SLC14A2: variants seen among roughly 807,000 people sequenced by gnomAD.
The protein encoded by SLC14A2 is urea transporter 2.
SLC14A2 carries 91 observed loss-of-function variants against 104.6 expected under a neutral mutation model. The observed-to-expected ratio is 0.87, with a 90% CI of 0.73 to 1.04. The LOEUF is 1.04. SLC14A2 is among the 50% of genes least tolerant of loss of function. The pLI, the probability that SLC14A2 is intolerant of heterozygous loss-of-function variation, is 0.00. For missense variants in SLC14A2, 1,189 were observed against 1,156.0 expected, an observed-to-expected ratio of 1.03 and a Z score of -0.41; for synonymous variants, 476 against 466.4, an observed-to-expected ratio of 1.02 and a Z score of -0.27.
intron 6 of SLC14A2, among the ~76,000 whole-genome samples, chr18:45,638,238 T>C (rs1357700475): frequency 6.6e-6 from 1 of 152,178 alleles, no homozygotes; most frequent in Admixed American, 6.5e-5. Context: ...TGGGTTTCTA[T>C]AAATAAATAT....
At position 45,236,558 on chromosome 18, in the gene SLC14A2, TG is replaced by T. The variant is rs1026271920; in HGVS notation, c.-125+23368del. On this transcript the variant is annotated intron_variant, in intron 1 of 20. Transcript: ENST00000586448. Reference sequence around the variant, plus strand: ...ATATATACATGTATGTGTGTATATATGTGTATATATGTATATATACATATAT... The same window carrying T: ...ATATATACATGTATGTGTGTATATATTGTATATATGTATATATACATATAT... Among the ~76,000 whole-genome samples the T allele has an allele frequency of 1.0e-4, 13 of 125,204 alleles. 2 individuals are homozygous for T. Among genetic ancestry groups the T allele is most frequent in the Non-Finnish European group, 1.9e-4 (11 of 59,328 alleles). 82.1% of individuals were successfully genotyped at this position (125,204 alleles called of 152,430 possible).
In SLC14A2 at chr18:45,560,055, T is replaced by A. The variant is rs114731062; in HGVS notation, c.-34-64576T>A. On this transcript the variant is annotated intron_variant, in intron 2 of 20. Transcript: ENST00000586448. ...TGCCCTGGACCTCTGGACCCACCTA[T>A]GAACATATGCCCCCTCCCAGGGAGC... 3.0e-3 allele frequency among the ~76,000 whole-genome samples: 461 copies of A among 152,314 alleles called. 3 individuals carry two copies. Among genetic ancestry groups the A allele is most frequent in the African/African-American group, 0.011 (446 of 41,566 alleles).
chr18:45,180,544 T>C, the SLC14A2 span, among the ~76,000 whole-genome samples: 26 of 152,290 alleles, frequency 1.7e-4, no homozygotes, highest in Admixed American at 7.2e-4. Flanking sequence ...TGTTACAGAA[T>C]TTGAGACATG....
intron 1 of SLC14A2, among the ~76,000 whole-genome samples, chr18:45,449,471 T>C (rs2144607252): frequency 6.6e-6 from 1 of 152,222 alleles, no homozygotes; most frequent in South Asian, 2.1e-4. Context: ...ACACATAAAC[T>C]TCCTGCGCCC....
chr18:45,511,946 A>T (rs1238512088), intron 2 of SLC14A2, among the ~76,000 whole-genome samples: 1 of 152,196 alleles, frequency 6.6e-6, no homozygotes, highest in Non-Finnish European at 1.5e-5. Flanking sequence ...GTGTTTGAAG[A>T]CAGGTAGACT....
intron 1 of SLC14A2, among the ~76,000 whole-genome samples, chr18:45,258,995 G>T (rs1467894050): frequency 6.6e-6 from 1 of 152,192 alleles, no homozygotes; most frequent in Non-Finnish European, 1.5e-5. Context: ...ATTGGAGTGT[G>T]TCCCTTCATA....
chr18:45,401,128 T>C (rs934682427), intron 1 of SLC14A2, among the ~76,000 whole-genome samples: 1 of 152,156 alleles, frequency 6.6e-6, no homozygotes, highest in African/African-American at 2.4e-5. Flanking sequence ...TCACTCCTCA[T>C]TTCTGTTAGG....
intron 1 of SLC14A2, among the ~76,000 whole-genome samples, chr18:45,397,398 A>G (rs1236727983): frequency 2.0e-5 from 3 of 152,056 alleles, no homozygotes; most frequent in Non-Finnish European, 4.4e-5. Context: ...TTTGACTTGC[A>G]TTTGTCTAAT....
chr18:45,582,816 G>A (rs890048763), intron 2 of SLC14A2, among the ~76,000 whole-genome samples: 8 of 152,068 alleles, frequency 5.3e-5, no homozygotes, highest in African/African-American at 1.9e-4. Flanking sequence ...CATACCCCTG[G>A]GAATTTCAAA....
chr18:45,601,349 T>C (rs999488792), intron 2 of SLC14A2, among the ~76,000 whole-genome samples: 2 of 152,200 alleles, frequency 1.3e-5, no homozygotes, highest in Non-Finnish European at 2.9e-5. Flanking sequence ...GGGAGAACCT[T>C]ACTAAGCAGA....
intron 1 of SLC14A2, among the ~76,000 whole-genome samples, chr18:45,366,224 G>A (rs986709432): frequency 2.0e-5 from 3 of 152,082 alleles, no homozygotes; most frequent in African/African-American, 7.2e-5. Context: ...CCCTGCATTG[G>A]CTAGCCACAG....
intron 10 of SLC14A2, among the ~76,000 whole-genome samples, chr18:45,652,435 T>A (rs2045756869): frequency 2.0e-5 from 3 of 152,188 alleles, no homozygotes; most frequent in Admixed American, 6.5e-5. Context: ...CCAACCCCCT[T>A]CTACCGCTGC....
intron 1 of SLC14A2, among the ~76,000 whole-genome samples, chr18:45,314,930 C>T (rs1166524965): frequency 6.6e-6 from 1 of 152,200 alleles, no homozygotes; most frequent in Non-Finnish European, 1.5e-5. Flanking sequence ...ATAAGAGTGT[C>T]CACAGAAGCA....
intron 2 of SLC14A2, among the ~76,000 whole-genome samples, chr18:45,596,612 C>G (rs1051404718): frequency 6.6e-6 from 1 of 152,158 alleles, no homozygotes; most frequent in African/African-American, 2.4e-5. Flanking sequence ...GGAAGGGCAG[C>G]TGGAACTCTT....
intron 2 of SLC14A2, among the ~76,000 whole-genome samples, chr18:45,586,965 A>G (rs1410557173): frequency 2.6e-5 from 4 of 152,172 alleles, no homozygotes; most frequent in African/African-American, 7.2e-5. Context: ...CTTACTAGAA[A>G]AAAAAAAGTT....
intron 1 of SLC14A2, among the ~76,000 whole-genome samples, chr18:45,285,673 C>T (rs1019026312): frequency 3.4e-5 from 5 of 145,120 alleles, no homozygotes; most frequent in African/African-American, 9.9e-5. Flanking sequence ...CCCCCCCCCC[C>T]CTCGGCCTCC....
intron 1 of SLC14A2, among the ~76,000 whole-genome samples, chr18:45,418,072 T>G (rs1344806798): frequency 1.3e-5 from 2 of 152,220 alleles, no homozygotes; most frequent in African/African-American, 4.8e-5. Flanking sequence ...CTCTTGTCTT[T>G]TTGTTGCTTT....
At chr18:45,410,550 T>G (rs1052455801) in intron 1 of SLC14A2, among the ~76,000 whole-genome samples, 3 of 152,196 alleles carry the variant, frequency 2.0e-5, no homozygotes, top group African/African-American at 7.2e-5. Flanking sequence ...AAACTGTTTA[T>G]TGGGCACTCA....
intron 1 of SLC14A2, among the ~76,000 whole-genome samples, chr18:45,454,999 T>C (rs2144622694): frequency 6.6e-6 from 1 of 152,272 alleles, no homozygotes; most frequent in South Asian, 2.1e-4. Flanking sequence ...TCTTTTTTGG[T>C]TCCATATGAA....
Sources: allele counts gnomAD v4.1 joint callset (sites outside exome capture counted in the v4.1 genomes callset), GRCh38; gene constraint gnomAD v4.1.1; transcripts MANE v1.5; gene names NCBI Gene and HGNC (gene_info 2026-07-23, HGNC 2026-07-21).